Variants in MUC4 observed in about 807,000 individuals in gnomAD.
MUC4 encodes mucin 4, cell surface associated, also known as mucin-4.
Under a neutral mutation model 257.9 loss-of-function variants are expected in MUC4, and 202 were observed. That is an observed-to-expected ratio of 0.78 (90% CI 0.70 to 0.88). The LOEUF (loss-of-function observed/expected upper bound fraction) is 0.88. Among genes scored for constraint, MUC4 ranks in the 40% least tolerant of loss-of-function variants. The pLI, the probability that MUC4 is intolerant of heterozygous loss-of-function variation, is 0.00. For missense variants in MUC4, 5,976 were observed against 6,513.7 expected, an observed-to-expected ratio of 0.92 and a Z score of 2.84; for synonymous variants, 2,351 against 2,757.1, an observed-to-expected ratio of 0.85 and a Z score of 4.62.
intron 3 of MUC4, 108 bp downstream of exon 3, chr3:195,778,195 T>A: frequency 1.4e-6 from 2 of 1,383,002 alleles, no homozygotes; most frequent in Non-Finnish European, 1.9e-6. Flanking sequence ...CTGTCCTCGG[T>A]AAGGCCCTCC....
At position 195,789,270 on chromosome 3, in the gene MUC4, C is replaced by A. The variant is rs774783009; in HGVS notation, c.2310G>T (p.Met770Ile). Residue 770 changes from methionine (M) to isoleucine (I), a missense_variant, in exon 2 of 25, where the codon ATG becomes ATT. By Grantham distance (10) the Met-to-Ile change is conservative. This residue lies in a region of MUC4 where 1,583 missense variants were observed against 1,257.4 expected (regional missense o/e 1.26). Coordinates refer to ENST00000463781, the MANE Select transcript of MUC4 (RefSeq NM_018406.7). ...TGCTCTCAGCCTGGTGGGTATGGGT[C>A]ATGGCTGCTGCTGTGTCAGGTGAGG... ...ASTSPDTAAA[M>I]THTHQAESTE... 2 of 1,613,870 alleles carry A rather than the reference C, an allele frequency of 1.2e-6. No individual in the cohort carries two copies. The highest frequency in any genetic ancestry group is 1.7e-5 in the Admixed American group (1 of 60,010).
At position 195,751,034 on chromosome 3, in the gene MUC4, G is replaced by T; in HGVS notation, c.15726C>A (p.Gly5242=). 6.2e-7 allele frequency: 1 copy of T among 1,613,688 alleles called. No homozygotes were observed. Among genetic ancestry groups the T allele is most frequent in the Non-Finnish European group, 8.5e-7 (1 of 1,179,956 alleles). The change falls in exon 23 of 25, where the codon GGC becomes GGA. Residue 5242 remains glycine, a synonymous_variant. Coordinates refer to ENST00000463781, the MANE Select transcript of MUC4 (RefSeq NM_018406.7). ...GGTTGTTCAGGAAGTCAATGACCGG[G>T]CCCCGAGGGCGGTACTGGAACTCCG... is the stretch of plus-strand genomic sequence containing the variant. ...VISEFQYRPR[G]PVIDFLNNQL...
At chr3:195,767,547 CATCACCATT>C (rs1560261538) in intron 7 of MUC4, among the ~76,000 whole-genome samples, 5 of 119,012 alleles carry the variant, frequency 4.2e-5, no homozygotes, top group African/African-American at 2.0e-4. Flanking sequence ...CCATCATCAC[CATCACCATT>C]ACCATTGCCA....
At chr3:195,767,660 CCACCATCACCAT>C (rs1426232027) in intron 7 of MUC4, among the ~76,000 whole-genome samples, 1 of 69,640 alleles carries the variant, frequency 1.4e-5, no homozygotes, top group Non-Finnish European at 2.4e-5. Flanking sequence ...ACCACCACCA[CCACCATCACCAT>C]CACCACCATC....
At chr3:195,772,748 AGGGGTGTAGACACCCCCTCTCCATC>A in intron 4 of MUC4, among the ~76,000 whole-genome samples, 1 of 143,620 alleles carries the variant, frequency 7.0e-6, no homozygotes, top group African/African-American at 2.6e-5. Context: ...TCCATCGCTC[AGGGGTGTAGACACCCCCTCTCCATC>A]GCTCAGGGGT....
In MUC4 at chr3:195,791,509, C is replaced by G. The variant is rs773004778; in HGVS notation, c.83-12G>C. On this transcript the variant is annotated splice_polypyrimidine_tract_variant and intron_variant, in intron 1 of 24. Transcript: ENST00000463781. Reference sequence around the variant, plus strand: ...GTCCTCTGTGGTTCCTGGAGTGAACCAAAATAGGCAAGCAGAGAGCTAAAT... The same window carrying G: ...GTCCTCTGTGGTTCCTGGAGTGAACGAAAATAGGCAAGCAGAGAGCTAAAT... The G allele has an allele frequency of 1.9e-6, 3 of 1,558,842 alleles. No homozygotes were observed. In the East Asian group the frequency reaches 6.7e-5, roughly 35 times the overall value.
intron 3 of MUC4, among the ~76,000 whole-genome samples, chr3:195,775,681 GATACCTTCCACA>G (rs1724410365): frequency 2.1e-4 from 1 of 4,848 alleles, no homozygotes; most frequent in Non-Finnish European, 3.3e-4. Flanking sequence ...CTTCCACACC[GATACCTTCCACA>G]CCCATACCTT....
chr3:195,773,465 G>T (rs76385098), intron 4 of MUC4, among the ~76,000 whole-genome samples: 11 of 147,690 alleles, frequency 7.4e-5, no homozygotes, highest in African/African-American at 2.6e-5. Context: ...TCTCTCCATC[G>T]CTCAGCAGGT....
At chr3:195,771,396 C>T (rs1163541791) in intron 5 of MUC4, among the ~76,000 whole-genome samples, 1 of 150,768 alleles carries the variant, frequency 6.6e-6, no homozygotes, top group South Asian at 2.1e-4. Context: ...TGGTCAGTCT[C>T]GCGGCCGGGT....
At chr3:195,763,070 G>A in intron 12 of MUC4, 125 bp from the exon 13 acceptor site, 3 of 788,428 alleles carry the variant, frequency 3.8e-6, no homozygotes, top group Non-Finnish European at 6.1e-6. Flanking sequence ...GCTGGAGGCC[G>A]CGGCCTGAGG....
chr3:195,764,841 G>A (rs144504978), intron 10 of MUC4, among the ~76,000 whole-genome samples, 156 bp downstream of exon 10: 87 of 152,286 alleles, frequency 5.7e-4, no homozygotes, highest in African/African-American at 1.9e-3. Flanking sequence ...CCGAATGTCC[G>A]CTGGTGGGGA....
chr3:195,796,289 T>C (rs1009042316), intron 1 of MUC4, among the ~76,000 whole-genome samples: 1 of 152,022 alleles, frequency 6.6e-6, no homozygotes, highest in African/African-American at 2.4e-5. Context: ...CACCATGTCG[T>C]CCTGGCTGGT....
rs192792050 is a variant in MUC4 at position 195,758,093 on chromosome 3, G to A, written c.14987-765C>T. On this transcript the variant is annotated intron_variant, in intron 17 of 24. Coordinates refer to ENST00000463781, the MANE Select transcript of MUC4 (RefSeq NM_018406.7). Reference sequence around the variant, plus strand: ...AAAGAGAACGCAAAATATGCCCCCCGGGGCTTTGGTTTAGCCAAGAACAGT... The same window carrying A: ...AAAGAGAACGCAAAATATGCCCCCCAGGGCTTTGGTTTAGCCAAGAACAGT... 3.3e-4 allele frequency among the ~76,000 whole-genome samples: 51 copies of A among 152,308 alleles called. 1 individual carries two copies. The highest frequency in any genetic ancestry group is 1.0e-3 in the South Asian group (5 of 4,824).
At chr3:195,767,938 T>TC (rs1721940042) in intron 7 of MUC4, among the ~76,000 whole-genome samples, 1 of 66,670 alleles carries the variant, frequency 1.5e-5, no homozygotes, top group Admixed American at 1.4e-4. Flanking sequence ...CCACCGCCAC[T>TC]ACCACCACCA....
intron 6 of MUC4, 27 bp downstream of exon 6, chr3:195,770,189 C>T (rs534584903): frequency 2.6e-6 from 4 of 1,545,482 alleles, no homozygotes; most frequent in Admixed American, 2.2e-5. Context: ...CAGATAGCTC[C>T]TGGGAGCTGC....
In MUC4 at chr3:195,790,403, C is replaced by T. The variant is rs1316526042; in HGVS notation, c.1177G>A (p.Val393Met). The change falls in exon 2 of 25, where the codon GTG (valine) becomes ATG (methionine). Residue 393 changes from valine to methionine, a missense_variant. By Grantham distance (21) the Val-to-Met change is conservative (BLOSUM62 1). Transcript: ENST00000463781. Reference sequence around the variant, plus strand: ...TCTCTGGAGGTTGGCATTCTGAACACCTTTGATGTTACCAGGAATGTATTG... The same window carrying T: ...TCTCTGGAGGTTGGCATTCTGAACATCTTTGATGTTACCAGGAATGTATTG... ...VSNTFLVTSK[V>M]FRMPTSRDST... The T allele has an allele frequency of 1.2e-6, 2 of 1,613,524 alleles. No homozygotes were observed. The highest frequency in any genetic ancestry group is 1.3e-5 in the African/African-American group (1 of 74,894).
intron 1 of MUC4, among the ~76,000 whole-genome samples, chr3:195,796,171 G>A (rs1388251675): frequency 1.3e-5 from 2 of 152,014 alleles, no homozygotes; most frequent in Non-Finnish European, 2.9e-5. Flanking sequence ...TGCAACCTCT[G>A]CCTCCCAGGT....
At chr3:195,775,919 C>T (rs1408504969) in intron 3 of MUC4, among the ~76,000 whole-genome samples, 160 of 54,306 alleles carry the variant, frequency 2.9e-3, no homozygotes, top group Middle Eastern at 0.013. Flanking sequence ...ACCTTCCACA[C>T]CCATACCTTC....
In MUC4 at chr3:195,781,302, A is replaced by C. The variant is rs1317820589; in HGVS notation, c.10278T>G (p.Pro3426=). The stretch of plus-strand genomic sequence containing the variant: ...TGGATGCTGAGGAAGTGCTGGTGAC[A>C]GGAAGAGGGGTGGCGTGACCTGTGG... ...SASTGHATPL[P]VTSTSSASTG... is the part of the protein sequence containing the mutation. Residue 3426 remains proline (P), a synonymous_variant, in exon 2 of 25, where the codon CCT becomes CCG. Coordinates refer to ENST00000463781, the MANE Select transcript of MUC4 (RefSeq NM_018406.7). 1.4e-6 allele frequency: 2 copies of C among 1,429,262 alleles called. No individual in the cohort carries two copies. Among genetic ancestry groups the C allele is most frequent in the East Asian group, 5.0e-5 (2 of 39,980 alleles). The allele number at this position is 1,429,262 out of a possible 1,614,324, so 88.5% of individuals were successfully genotyped here.
Sources: allele counts gnomAD v4.1 joint callset (sites outside exome capture counted in the v4.1 genomes callset), GRCh38; gene constraint gnomAD v4.1.1; regional missense constraint gnomAD v4.1.1; transcripts MANE v1.5; gene names NCBI Gene and HGNC (gene_info 2026-07-23, HGNC 2026-07-21).